Variants in RAP1GDS1 observed in about 807,000 individuals in gnomAD.
RAP1GDS1 encodes RAP1, GTP-GDP dissociation stimulator 1.
A neutral mutation model predicts 71.1 loss-of-function variants in RAP1GDS1; 35 were observed. The ratio of observed to expected loss-of-function variants is 0.49; its 90% CI spans 0.38 to 0.65. The LOEUF is 0.65. Ranked by LOEUF, RAP1GDS1 falls within the 30% of genes least tolerant of loss-of-function variation. The probability of loss-of-function intolerance (pLI) is 0.00; values close to 1 mark genes in which losing one functional copy is unlikely to be tolerated. For synonymous variants in RAP1GDS1, 229 were observed against 243.1 expected (o/e 0.94, Z 0.54); for missense variants, 663 against 706.1 (o/e 0.94, Z 0.69).
chr4:98,394,147 A>T (rs1353680572), intron 6 of RAP1GDS1, among the ~76,000 whole-genome samples: 1 of 152,178 alleles, frequency 6.6e-6, no homozygotes, highest in Non-Finnish European at 1.5e-5. Context: ...GGCTGTGCTG[A>T]ATAAGAACTT....
intron 6 of RAP1GDS1, among the ~76,000 whole-genome samples, chr4:98,403,798 C>T (rs1047542402): frequency 7.2e-5 from 11 of 151,894 alleles, no homozygotes; most frequent in African/African-American, 2.7e-4. Flanking sequence ...AGTGTAGAGG[C>T]AGGTAGGCCA....
At chr4:98,434,905 A>G (rs1750938120) in intron 13 of RAP1GDS1, among the ~76,000 whole-genome samples, 1 of 152,168 alleles carries the variant, frequency 6.6e-6, no homozygotes, top group Non-Finnish European at 1.5e-5. Context: ...TACAGGCGTG[A>G]TCCACCATGC....
At chr4:98,435,133 C>T (rs143551561) in intron 13 of RAP1GDS1, among the ~76,000 whole-genome samples, 1 of 152,296 alleles carries the variant, frequency 6.6e-6, no homozygotes, top group East Asian at 1.9e-4. Flanking sequence ...CTATCCAATT[C>T]AAAGCCATTT....
intron 7 of RAP1GDS1, among the ~76,000 whole-genome samples, chr4:98,406,230 A>G (rs1413095732): frequency 6.6e-6 from 1 of 152,054 alleles, no homozygotes; most frequent in Non-Finnish European, 1.5e-5. Flanking sequence ...ATTACGTTAA[A>G]TGTGGCCTAA....
intron 12 of RAP1GDS1, among the ~76,000 whole-genome samples, chr4:98,422,796 C>T (rs1749074682): frequency 6.6e-6 from 1 of 152,138 alleles, no homozygotes; most frequent in Admixed American, 6.5e-5. Context: ...GAGAACTTTC[C>T]CTGGGGAAAA....
intron 2 of RAP1GDS1, among the ~76,000 whole-genome samples, chr4:98,325,001 A>G (rs1386170656): frequency 6.6e-6 from 1 of 150,494 alleles, no homozygotes; most frequent in Non-Finnish European, 1.5e-5. Flanking sequence ...AAAATGGGAG[A>G]AAATTTTCGC....
intron 2 of RAP1GDS1, among the ~76,000 whole-genome samples, chr4:98,309,383 C>T (rs1729860959): frequency 1.3e-5 from 2 of 151,694 alleles, no homozygotes; most frequent in East Asian, 1.9e-4. Flanking sequence ...TTGTTTTATA[C>T]CAAATTTATA....
rs748983558 is a variant in RAP1GDS1 at position 98,343,206 on chromosome 4, A to C, written c.180A>C (p.Pro60=). ...AGCTGTTTGCAAGTCTGTTGACTCC[A>C]CAGTCTTCCTGCAAAGCCAAAGTAG... ...ILQLFASLLT[P]QSSCKAKVAN... is the part of the protein sequence containing the mutation. Residue 60 remains proline, a synonymous_variant, in exon 3 of 15, where the codon CCA becomes CCC. Coordinates refer to ENST00000408927, the MANE Select transcript of RAP1GDS1 (RefSeq NM_001100427.2). The C allele has an allele frequency of 1.2e-6, 2 of 1,606,034 alleles. No individual in the cohort carries two copies. The highest frequency in any genetic ancestry group is 1.7e-4 in the Middle Eastern group (1 of 6,052).
chr4:98,434,162 C>A, intron 13 of RAP1GDS1, 100 bp downstream of exon 13: 1 of 1,408,740 alleles, frequency 7.1e-7, no homozygotes, highest in Non-Finnish European at 9.8e-7. Context: ...TGACTGGAAG[C>A]ATTTTGCTAG....
At chr4:98,391,185 A>AAC (rs1186088579) in intron 5 of RAP1GDS1, among the ~76,000 whole-genome samples, 1 of 152,072 alleles carries the variant, frequency 6.6e-6, no homozygotes, top group Non-Finnish European at 1.5e-5. Flanking sequence ...GTCCATGAAG[A>AAC]ACCCTTGTGG....
At chr4:98,388,749 G>A (rs1349391605) in intron 5 of RAP1GDS1, among the ~76,000 whole-genome samples, 1 of 151,998 alleles carries the variant, frequency 6.6e-6, no homozygotes, top group Non-Finnish European at 1.5e-5. Flanking sequence ...TTTAAAATTA[G>A]GTAGTCCTTT....
chr4:98,262,967 C>G (rs1343899696), intron 1 of RAP1GDS1, among the ~76,000 whole-genome samples: 2 of 152,164 alleles, frequency 1.3e-5, no homozygotes, highest in Admixed American at 6.5e-5. Flanking sequence ...AACGTGAGTA[C>G]TCGATATGCT....
chr4:98,293,395 T>C lies in RAP1GDS1; in HGVS notation c.5-13T>C. ...TAAGGTTGAGTTTCTGATTTTTTTT[T>C]TTCTTTAAGCAGATAATCTCAGTGA... is the stretch of plus-strand genomic sequence containing the variant. On this transcript the variant is annotated splice_polypyrimidine_tract_variant and intron_variant, in intron 1 of 14. Coordinates refer to ENST00000408927, the MANE Select transcript of RAP1GDS1 (RefSeq NM_001100427.2). The C allele has an allele frequency of 6.4e-7, 1 of 1,559,932 alleles. No individual in the cohort carries two copies. Among genetic ancestry groups the C allele is most frequent in the Non-Finnish European group, 8.7e-7 (1 of 1,152,738 alleles).
In RAP1GDS1 at chr4:98,420,137, T is replaced by C; in HGVS notation, c.1293T>C (p.Asp431=). The change falls in exon 11 of 15, where the codon GAT becomes GAC. Residue 431 remains aspartate (D), a synonymous_variant. Transcript: ENST00000408927. ...TGGGAACATTAAGAATGTTAATAGA[T>C]GCACAAGGTAAAAGAAATGTTTTCC... ...KLLGTLRMLI[D]AQAEAAEQLG... 1 of 1,541,988 alleles carries C rather than the reference T, an allele frequency of 6.5e-7. No individual in the cohort carries two copies. Among genetic ancestry groups the C allele is most frequent in the African/African-American group, 1.4e-5 (1 of 73,240 alleles).
intron 2 of RAP1GDS1, among the ~76,000 whole-genome samples, chr4:98,330,671 G>C (rs1382250340): frequency 6.6e-6 from 1 of 151,388 alleles, no homozygotes; most frequent in Non-Finnish European, 1.5e-5. Flanking sequence ...GATGACGGCC[G>C]GGAAGAGGCG....
chr4:98,297,018 C>CTTT (rs368390868), intron 2 of RAP1GDS1: 15 of 152,924 alleles, frequency 9.8e-5, no homozygotes, highest in South Asian at 3.1e-4. Flanking sequence ...GCCTCGTTCT[C>CTTT]TTTTTTTTTT....
intron 4 of RAP1GDS1, among the ~76,000 whole-genome samples, chr4:98,372,164 T>C (rs1276218007): frequency 6.6e-6 from 1 of 152,098 alleles, no homozygotes; most frequent in African/African-American, 2.4e-5. Context: ...TCTTGTGTTT[T>C]TTTATTGTTT....
Position 98,433,969 on chromosome 4 carries a change from A to G in RAP1GDS1, c.1474A>G (p.Ile492Val). ...TAAAACCATTGTGCAGAGTGGTGGCATCAAGCATCTAGTTACCATGGCAAC... is the reference window on the plus strand; with the variant it reads ...TAAAACCATTGTGCAGAGTGGTGGCGTCAAGCATCTAGTTACCATGGCAAC... ...VIKTIVQSGG[I>V]KHLVTMATSE... The change falls in exon 13 of 15, where the codon ATC becomes GTC. Residue 492 changes from isoleucine to valine, a missense_variant. Ile to Val is a conservative substitution (Grantham distance 29). Transcript: ENST00000408927. The G allele has an allele frequency of 6.2e-7, 1 of 1,611,328 alleles. No individual in the cohort carries two copies. Among genetic ancestry groups the G allele is most frequent in the Non-Finnish European group, 8.5e-7 (1 of 1,177,402 alleles).
chr4:98,433,922 ATTAT>A lies in RAP1GDS1; in HGVS notation c.1441-8_1441-5del. On this transcript the variant is annotated splice_polypyrimidine_tract_variant and intron_variant, in intron 12 of 14. Coordinates refer to ENST00000408927, the MANE Select transcript of RAP1GDS1 (RefSeq NM_001100427.2). ...AAATTAAAGTCTATAATTCTCTGAT[ATTAT>A]TTATTGTAGGATGTAATTAAAACCA... 2 of 1,590,844 alleles carry A rather than the reference ATTAT, an allele frequency of 1.3e-6. No individual in the cohort carries two copies. The highest frequency in any genetic ancestry group is 1.7e-6 in the Non-Finnish European group (2 of 1,160,984).
Sources: gnomAD v4.1 joint callset for allele counts (sites outside exome capture counted in the v4.1 genomes callset) on GRCh38, gnomAD v4.1.1 for gene constraint, MANE v1.5 for transcripts, NCBI Gene and HGNC (gene_info 2026-07-23, HGNC 2026-07-21) for gene names.